PAXBP1: variants seen among roughly 807,000 people sequenced by gnomAD.
PAXBP1 encodes PAX3- and PAX7-binding protein 1.
A neutral mutation model predicts 119.9 loss-of-function variants in PAXBP1; 44 were observed. The observed-to-expected ratio is 0.37, with a 90% CI of 0.29 to 0.47. The LOEUF is 0.47. Ranked by LOEUF, PAXBP1 falls within the 20% of genes least tolerant of loss-of-function variation. PAXBP1 has a pLI of 0.99. For missense variants in PAXBP1, 898 were observed against 1,134.1 expected (o/e 0.79, Z 2.99); for synonymous variants, 393 against 406.6 (o/e 0.97, Z 0.40).
At chr21:32,756,220 G>C (rs79403448) in intron 7 of PAXBP1, 63 of 504,478 alleles carry the variant, frequency 1.2e-4, no homozygotes, top group African/African-American at 1.1e-3. Flanking sequence ...AATGCTATGA[G>C]ACTTTCACGT....
rs774871105 is a variant in PAXBP1 at position 32,748,535 on chromosome 21, G to A, written c.1887C>T (p.Leu629=). Residue 629 remains leucine, a synonymous_variant, in exon 11 of 18, where the codon CTC becomes CTT. Coordinates refer to ENST00000331923, the MANE Select transcript of PAXBP1 (RefSeq NM_016631.4). ...GLCLPKLFNP[L]IRLQLLTWTP... ...TCCAAGTGAGGAGCTGAAGTCGTAT[G>A]AGGGGGTTGAATAATTTTGGCAAAC... 1.2e-6 allele frequency: 2 copies of A among 1,614,072 alleles called. No homozygotes were observed. The highest frequency in any genetic ancestry group is 1.1e-5 in the South Asian group (1 of 91,078).
intron 11 of PAXBP1, among the ~76,000 whole-genome samples, chr21:32,746,258 T>A (rs1355698509): frequency 2.6e-5 from 4 of 151,968 alleles, no homozygotes; most frequent in Non-Finnish European, 5.9e-5. Context: ...AAAGCAAAAA[T>A]TGACAAATGG....
At chr21:32,769,748 C>T in intron 2 of PAXBP1, 66 bp downstream of exon 2, 1 of 1,547,508 alleles carries the variant, frequency 6.5e-7, no homozygotes, top group Non-Finnish European at 8.8e-7. Context: ...AGATATACAG[C>T]AAATCACTGT....
intron 1 of PAXBP1, 41 bp downstream of exon 1, chr21:32,771,285 G>A: frequency 2.0e-6 from 3 of 1,520,880 alleles, no homozygotes; most frequent in Non-Finnish European, 2.6e-6. Flanking sequence ...GCCTGCGTCG[G>A]GGATGCGGCC....
In PAXBP1 at chr21:32,759,905, A is replaced by G. The variant is rs767057559; in HGVS notation, c.1065T>C (p.Tyr355=). Residue 355 remains tyrosine, a synonymous_variant, in exon 6 of 18, where the codon TAT becomes TAC. Coordinates refer to ENST00000331923, the MANE Select transcript of PAXBP1 (RefSeq NM_016631.4). ...CTGATGATCCATAGGCCGTATAACT[A>G]TAAGGAATGCCATAGGATGAGCCGT... ...MPYGSSYGIP[Y]SYTAYGSSDA... 3.1e-6 allele frequency: 5 copies of G among 1,613,934 alleles called. No homozygotes were observed. The highest frequency in any genetic ancestry group is 4.2e-6 in the Non-Finnish European group (5 of 1,179,786).
intron 13 of PAXBP1, among the ~76,000 whole-genome samples, chr21:32,744,049 CCCA>C (rs2043830639): frequency 1.3e-5 from 2 of 152,050 alleles, no homozygotes; most frequent in Admixed American, 6.6e-5. Context: ...ACAAAGAGCA[CCCA>C]CCTTCTCTAC....
chr21:32,765,036 A>G (rs1367136164), intron 2 of PAXBP1, among the ~76,000 whole-genome samples: 1 of 152,160 alleles, frequency 6.6e-6, no homozygotes, highest in East Asian at 1.9e-4. Flanking sequence ...GCTCAAAACC[A>G]CTTGTCACCT....
intron 11 of PAXBP1, among the ~76,000 whole-genome samples, chr21:32,747,060 A>G (rs538924746): frequency 6.9e-6 from 1 of 145,856 alleles, no homozygotes; most frequent in East Asian, 2.2e-4. Flanking sequence ...ACTGGGGAAA[A>G]ACACACACTG....
chr21:32,763,161 T>C (rs965397859), intron 3 of PAXBP1, among the ~76,000 whole-genome samples: 4 of 152,220 alleles, frequency 2.6e-5, no homozygotes, highest in Admixed American at 6.5e-5. Context: ...ATTTTCTGCA[T>C]AGATAAGGCA....
intron 11 of PAXBP1, 139 bp from the exon 12 acceptor site, chr21:32,745,857 C>T: frequency 9.9e-7 from 1 of 1,014,650 alleles, no homozygotes; most frequent in Non-Finnish European, 1.4e-6. Flanking sequence ...TATCATGCTA[C>T]CAGACTTCAA....
intron 15 of PAXBP1, chr21:32,741,676 G>T (rs1249375948): frequency 1.6e-6 from 1 of 642,392 alleles, no homozygotes; most frequent in African/African-American, 1.8e-5. Context: ...TACACAGAAA[G>T]GCAGAGGCAA....
At position 32,771,363 on chromosome 21, in the gene PAXBP1, G is replaced by C. The variant is rs763323059; in HGVS notation, c.306C>G (p.Pro102=). 1.6e-5 allele frequency: 25 copies of C among 1,585,052 alleles called. No individual in the cohort carries two copies. The African/African-American group carries it at 2.2e-4, about 14-fold the overall frequency. Residue 102 remains proline (P), a synonymous_variant, in exon 1 of 18, where the codon CCC becomes CCG. Coordinates refer to ENST00000331923, the MANE Select transcript of PAXBP1 (RefSeq NM_016631.4). ...CCTGGAAGCTGAGCAGGCTGGCCCGGGGCACCTCTTTGTTCTCGCGAGGCC... is the reference window on the plus strand; with the variant it reads ...CCTGGAAGCTGAGCAGGCTGGCCCGCGGCACCTCTTTGTTCTCGCGAGGCC... ...RKRPRENKEV[P]RASLLSFQDE...
chr21:32,771,306 G>A lies in PAXBP1; in HGVS notation c.343+20C>T. ...GTCGGGGATGCGGCCGTCTAAGGGC[G>A]TCCGAAGCGCGCACTTTACCTTCCT... On this transcript the variant is annotated intron_variant, in intron 1 of 17. Transcript: ENST00000331923. 1 of 1,568,422 alleles carries A rather than the reference G, an allele frequency of 6.4e-7. No individual in the cohort carries two copies. Among genetic ancestry groups the A allele is most frequent in the Non-Finnish European group, 8.6e-7 (1 of 1,165,056 alleles).
chr21:32,764,255 C>T (rs112877735), intron 3 of PAXBP1, 93 bp downstream of exon 3: 1 of 1,212,626 alleles, frequency 8.2e-7, no homozygotes, highest in African/African-American at 1.5e-5. Context: ...ATAAGAAACA[C>T]CACTCAGCTA....
intron 11 of PAXBP1, 59 bp downstream of exon 11, chr21:32,748,440 A>C: frequency 6.6e-7 from 1 of 1,521,110 alleles, no homozygotes; most frequent in Non-Finnish European, 8.9e-7. Flanking sequence ...TAGCTTTGAG[A>C]TTAAAATTAC....
intron 13 of PAXBP1, among the ~76,000 whole-genome samples, chr21:32,744,051 C>A (rs1385991932): frequency 6.6e-6 from 1 of 152,028 alleles, no homozygotes; most frequent in East Asian, 1.9e-4. Context: ...AAAGAGCACC[C>A]ACCTTCTCTA....
chr21:32,739,576 T>C (rs1569153715), intron 15 of PAXBP1, among the ~76,000 whole-genome samples: 2 of 152,120 alleles, frequency 1.3e-5, no homozygotes, highest in Non-Finnish European at 2.9e-5. Context: ...TATCTCCACA[T>C]AGCAGACAGA....
chr21:32,734,992 G>T lies in PAXBP1; in HGVS notation c.2712C>A (p.Asp904Glu). The T allele has an allele frequency of 6.2e-7, 1 of 1,613,732 alleles. No individual in the cohort carries two copies. Among genetic ancestry groups the T allele is most frequent in the Non-Finnish European group, 8.5e-7 (1 of 1,179,868 alleles). Residue 904 changes from aspartate (D) to glutamate (E), a missense_variant, in exon 18 of 18, where the codon GAC becomes GAA. Asp to Glu is a conservative substitution (Grantham distance 45). Transcript: ENST00000331923. Reference protein sequence around the residue: ...ALDHAMSVASDHNVKEFKSLI... With the variant: ...ALDHAMSVASEHNVKEFKSLI... ...AAGACTTAAATTCTTTCACATTGTGGTCACTTGCAACAGACATAGCATGAT... is the reference window on the plus strand; with the variant it reads ...AAGACTTAAATTCTTTCACATTGTGTTCACTTGCAACAGACATAGCATGAT...
chr21:32,737,195 A>C (rs190439966), intron 17 of PAXBP1, 59 bp downstream of exon 17: 1 of 1,285,124 alleles, frequency 7.8e-7, no homozygotes, highest in East Asian at 2.6e-5. Flanking sequence ...AAAACATTTT[A>C]ATACTAAATC....
Sources: gnomAD v4.1 joint callset for allele counts (sites outside exome capture counted in the v4.1 genomes callset) on GRCh38, gnomAD v4.1.1 for gene constraint, MANE v1.5 for transcripts, NCBI Gene and HGNC (gene_info 2026-07-23, HGNC 2026-07-21) for gene names.